Variants in CYP4X1 observed in about 807,000 individuals in gnomAD.
CYP4X1 encodes cytochrome P450 4X1.
Under a neutral mutation model 57.9 loss-of-function variants are expected in CYP4X1, and 44 were observed. The observed-to-expected ratio is 0.76, with a 90% confidence interval of 0.60 to 0.98. CYP4X1 has a LOEUF of 0.98. Among genes scored for constraint, CYP4X1 ranks in the 50% least tolerant of loss-of-function variants. The pLI, the probability that CYP4X1 is intolerant of heterozygous loss-of-function variation, is 0.00. For missense variants in CYP4X1, 532 were observed against 623.9 expected, an observed-to-expected ratio of 0.85 and a Z score of 1.57; for synonymous variants, 227 against 228.6, an observed-to-expected ratio of 0.99 and a Z score of 0.06.
downstream of CYP4X1, among the ~76,000 whole-genome samples, chr1:47,053,531 C>T (rs536007762): frequency 3.9e-5 from 6 of 152,330 alleles, no homozygotes; most frequent in East Asian, 3.9e-4. Flanking sequence ...TACCCTCCCA[C>T]CAACAGTGTA....
intron 1 of CYP4X1, among the ~76,000 whole-genome samples, chr1:47,024,825 T>TG (rs1474457531): frequency 1.3e-5 from 2 of 152,160 alleles, no homozygotes; most frequent in Non-Finnish European, 2.9e-5. Flanking sequence ...AAAGGATGGT[T>TG]GGGTGGTGTG....
In CYP4X1 at chr1:47,049,981, C is replaced by A. The variant is rs953817606; in HGVS notation, c.1356-19C>A. 5 of 1,608,086 alleles carry A rather than the reference C, an allele frequency of 3.1e-6. No individual in the cohort carries two copies. The East Asian group carries it at 1.1e-4, about 36-fold the overall frequency. ...ACATCATTTTTTCAAGTATCACTTTCTTTCCCTCTTGTCTTCAGGAACTGC... is the reference window on the plus strand; with the variant it reads ...ACATCATTTTTTCAAGTATCACTTTATTTCCCTCTTGTCTTCAGGAACTGC... On this transcript the variant is annotated intron_variant, in intron 11 of 11. Coordinates refer to ENST00000371901, the MANE Select transcript of CYP4X1 (RefSeq NM_178033.2).
At chr1:47,029,558 A>T (rs1269773907) in intron 1 of CYP4X1, among the ~76,000 whole-genome samples, 1 of 152,194 alleles carries the variant, frequency 6.6e-6, no homozygotes, top group Non-Finnish European at 1.5e-5. Context: ...AGAGAGGAAC[A>T]GGAAGAAGAA....
At chr1:47,025,992 G>A (rs1379695594) in intron 1 of CYP4X1, among the ~76,000 whole-genome samples, 1 of 152,116 alleles carries the variant, frequency 6.6e-6, no homozygotes, top group Non-Finnish European at 1.5e-5. Context: ...TAAATGTCAA[G>A]GTCTATTTCT....
the CYP4X1 span, among the ~76,000 whole-genome samples, chr1:46,982,593 C>T: frequency 6.6e-6 from 1 of 152,150 alleles, no homozygotes; most frequent in African/African-American, 2.4e-5. Flanking sequence ...TTATTTGTGG[C>T]AGGATTCTTG....
chr1:46,983,290 G>C, the CYP4X1 span, among the ~76,000 whole-genome samples: 1 of 152,176 alleles, frequency 6.6e-6, no homozygotes, highest in African/African-American at 2.4e-5. Flanking sequence ...GGATGGGGTG[G>C]CTGCATTGTG....
At chr1:46,992,353 T>C in the CYP4X1 span, among the ~76,000 whole-genome samples, 2 of 152,158 alleles carry the variant, frequency 1.3e-5, no homozygotes, top group East Asian at 3.8e-4. Flanking sequence ...ACTACCTATT[T>C]CCAAAACATT....
downstream of CYP4X1, among the ~76,000 whole-genome samples, chr1:47,050,984 A>T (rs2148518251): frequency 6.6e-6 from 1 of 152,312 alleles, no homozygotes; most frequent in Non-Finnish European, 1.5e-5. Flanking sequence ...CAACCTACTC[A>T]TCTGACAAAG....
At chr1:46,988,809 T>G in the CYP4X1 span, among the ~76,000 whole-genome samples, 1 of 152,200 alleles carries the variant, frequency 6.6e-6, no homozygotes, top group South Asian at 2.1e-4. Context: ...CTCAATAGAT[T>G]ATCTCAACAG....
the CYP4X1 span, among the ~76,000 whole-genome samples, chr1:47,004,108 C>T: frequency 6.6e-6 from 1 of 152,218 alleles, no homozygotes; most frequent in African/African-American, 2.4e-5. Flanking sequence ...TTATCCTCTT[C>T]ATTTACATAG....
the CYP4X1 span, among the ~76,000 whole-genome samples, chr1:46,993,197 C>T: frequency 6.6e-6 from 1 of 150,612 alleles, no homozygotes; most frequent in Admixed American, 6.7e-5. Context: ...GTTTTTTGTC[C>T]TTGTGATAGT....
intron 1 of CYP4X1, among the ~76,000 whole-genome samples, chr1:47,026,092 A>T (rs192764799): frequency 3.3e-5 from 5 of 152,308 alleles, no homozygotes; most frequent in Admixed American, 6.5e-5. Context: ...GCTGGGAAGG[A>T]TAGAGGGGAG....
the CYP4X1 span, among the ~76,000 whole-genome samples, chr1:47,017,761 C>T: frequency 6.6e-6 from 1 of 152,122 alleles, no homozygotes; most frequent in Non-Finnish European, 1.5e-5. Context: ...CTAGAAGCCC[C>T]CTCCCTCTGG....
the CYP4X1 span, among the ~76,000 whole-genome samples, chr1:46,975,965 A>G: frequency 3.9e-5 from 6 of 152,050 alleles, no homozygotes; most frequent in South Asian, 4.2e-4. Context: ...GATAATTCCA[A>G]TTGTGGGATC....
At chr1:46,982,547 G>A in the CYP4X1 span, among the ~76,000 whole-genome samples, 3 of 152,262 alleles carry the variant, frequency 2.0e-5, no homozygotes, top group South Asian at 6.2e-4. Context: ...TTTGTTTCTG[G>A]ATGTTTTCAG....
upstream of CYP4X1, among the ~76,000 whole-genome samples, chr1:47,021,564 G>A (rs1327283250): frequency 2.6e-5 from 4 of 152,124 alleles, no homozygotes; most frequent in East Asian, 7.7e-4. Context: ...TCTTTTTTTG[G>A]AGAAACCAGA....
At chr1:47,045,669 G>C (rs1451377018) in intron 8 of CYP4X1, among the ~76,000 whole-genome samples, 1 of 152,194 alleles carries the variant, frequency 6.6e-6, no homozygotes, top group African/African-American at 2.4e-5. Flanking sequence ...TAGGAGGAAA[G>C]GGGATAAGGA....
chr1:47,001,204 C>G, the CYP4X1 span: 2 of 159,858 alleles, frequency 1.3e-5, no homozygotes, highest in South Asian at 3.8e-4. Context: ...TTTATCCAAG[C>G]CTTGGTTCAC....
At chr1:46,988,571 G>C in the CYP4X1 span, among the ~76,000 whole-genome samples, 6 of 151,998 alleles carry the variant, frequency 3.9e-5, no homozygotes, top group Admixed American at 3.3e-4. Context: ...ACCTGGCAGA[G>C]ACATAACAAA....
Sources: allele counts gnomAD v4.1 joint callset (sites outside exome capture counted in the v4.1 genomes callset), GRCh38; gene constraint gnomAD v4.1.1; transcripts MANE v1.5; gene names NCBI Gene and HGNC (gene_info 2026-07-23, HGNC 2026-07-21).